Variants in DLGAP2 observed in about 807,000 individuals in gnomAD.
DLGAP2 encodes the protein DLG associated protein 2.
In DLGAP2, 26 loss-of-function variants were observed where a neutral mutation model predicts 100.3. The observed-to-expected ratio is 0.26, with a 90% CI of 0.19 to 0.36. The LOEUF is 0.36. Ranked by LOEUF, DLGAP2 falls within the 10% of genes least tolerant of loss-of-function variation. The pLI, the probability that DLGAP2 is intolerant of heterozygous loss-of-function variation, is 1.00. For missense variants in DLGAP2, 1,858 were observed against 1,453.2 expected (o/e 1.28, Z -4.53); for synonymous variants, 886 against 630.1 (o/e 1.41, Z -6.08).
chr8:1,129,073 G>A lies in DLGAP2; in HGVS notation c.74-129778G>A, dbSNP rs979194736. ...CAATTCCACTTCATGGTCCTCTGTC[G>A]CTTTTGTGTACAGACATGGACATTG... On this transcript the variant is annotated intron_variant, in intron 2 of 14. Transcript: ENST00000637795. Among the ~76,000 whole-genome samples the A allele has an allele frequency of 3.9e-5, 6 of 152,230 alleles. No individual in the cohort carries two copies. In the East Asian group the frequency reaches 5.8e-4, roughly 15 times the overall value.
At chr8:1,269,989 G>A (rs989341953) in intron 3 of DLGAP2, among the ~76,000 whole-genome samples, 6 of 152,250 alleles carry the variant, frequency 3.9e-5, no homozygotes, top group Admixed American at 1.3e-4. Context: ...TCTTGAAACC[G>A]GTATTTTCCT....
In DLGAP2 at chr8:1,087,884, C is replaced by G. The variant is rs138362708; in HGVS notation, c.74-170967C>G. Among the ~76,000 whole-genome samples the G allele has an allele frequency of 3.7e-3, 565 of 152,376 alleles. 5 individuals are homozygous for G. The highest frequency in any genetic ancestry group is 0.013 in the African/African-American group (539 of 41,584). ...AGCTCTGGATCCTTCTGCCTCCTCC[C>G]TGTCTCCACATCCATGTCACCAGGT... On this transcript the variant is annotated intron_variant, in intron 2 of 14. Transcript: ENST00000637795.
chr8:1,644,334 T>C (rs1797988552), intron 8 of DLGAP2, among the ~76,000 whole-genome samples: 1 of 152,168 alleles, frequency 6.6e-6, no homozygotes, highest in South Asian at 2.1e-4. Context: ...CCGTCCTCTG[T>C]GGGGTTGCAA....
intron 2 of DLGAP2, among the ~76,000 whole-genome samples, chr8:938,667 G>T (rs1305599390): frequency 6.6e-6 from 1 of 152,212 alleles, no homozygotes; most frequent in African/African-American, 2.4e-5. Flanking sequence ...GTGACCTGGG[G>T]GTGACCAGCC....
intron 2 of DLGAP2, among the ~76,000 whole-genome samples, chr8:1,025,431 A>C (rs1466508295): frequency 1.3e-5 from 2 of 152,206 alleles, no homozygotes; most frequent in African/African-American, 4.8e-5. Context: ...CTTTCCAGAG[A>C]AGCCCATTTT....
intron 1 of DLGAP2, among the ~76,000 whole-genome samples, chr8:832,259 T>A (rs993066536): frequency 1.3e-5 from 2 of 152,226 alleles, no homozygotes; most frequent in Non-Finnish European, 2.9e-5. Flanking sequence ...TGCCATTGCT[T>A]TTGGTGTTTT....
intron 1 of DLGAP2, among the ~76,000 whole-genome samples, chr8:874,615 G>T (rs1287672826): frequency 6.6e-6 from 1 of 152,116 alleles, no homozygotes; most frequent in Non-Finnish European, 1.5e-5. Context: ...TAATAGGTTT[G>T]TTTTATGGCT....
At chr8:1,179,110 C>A (rs376440919) in intron 2 of DLGAP2, among the ~76,000 whole-genome samples, 1 of 152,274 alleles carries the variant, frequency 6.6e-6, no homozygotes, top group East Asian at 1.9e-4. Flanking sequence ...TTTTCTACAC[C>A]TGTTTACGAT....
At chr8:809,471 T>TG (rs397743940) in intron 1 of DLGAP2, among the ~76,000 whole-genome samples, 4 of 150,350 alleles carry the variant, frequency 2.7e-5, no homozygotes, top group Admixed American at 2.6e-4. Flanking sequence ...TTTTTTTTTT[T>TG]GTGGCTAATT....
At chr8:1,000,636 T>C (rs1044459070) in intron 2 of DLGAP2, among the ~76,000 whole-genome samples, 1 of 152,248 alleles carries the variant, frequency 6.6e-6, no homozygotes, top group African/African-American at 2.4e-5. Context: ...AATTGCTCTG[T>C]TATTACTTTT....
chr8:1,051,691 T>A (rs181996929), intron 2 of DLGAP2, among the ~76,000 whole-genome samples: 1 of 152,106 alleles, frequency 6.6e-6, no homozygotes, highest in East Asian at 1.9e-4. Flanking sequence ...CAGTTTAGAC[T>A]CACGGAAGCT....
chr8:1,411,262 C>A (rs12678158), intron 3 of DLGAP2, among the ~76,000 whole-genome samples: 41,724 of 152,132 alleles, frequency 0.27, 5,940 homozygotes, highest in East Asian at 0.4. Context: ...ATGTGCAATG[C>A]ATAGCTACAT....
intron 2 of DLGAP2, among the ~76,000 whole-genome samples, chr8:1,087,649 C>G (rs745359900): frequency 4.6e-5 from 7 of 151,790 alleles, no homozygotes; most frequent in Non-Finnish European, 1.0e-4. Flanking sequence ...ATTGTCACAT[C>G]AACATCTTTG....
intron 3 of DLGAP2, among the ~76,000 whole-genome samples, chr8:1,436,178 G>A (rs2130029890): frequency 6.6e-6 from 1 of 152,308 alleles, no homozygotes; most frequent in East Asian, 1.9e-4. Flanking sequence ...TGAGGAACCA[G>A]GAAGCCAGTC....
At chr8:874,208 G>T (rs571291721) in intron 1 of DLGAP2, among the ~76,000 whole-genome samples, 2 of 151,408 alleles carry the variant, frequency 1.3e-5, no homozygotes, top group African/African-American at 4.9e-5. Context: ...ATTAGTTTCT[G>T]TTTTAATATT....
At chr8:1,209,024 A>G (rs953617570) in intron 2 of DLGAP2, among the ~76,000 whole-genome samples, 5 of 152,186 alleles carry the variant, frequency 3.3e-5, no homozygotes, top group Admixed American at 1.3e-4. Flanking sequence ...ATGGTAACAC[A>G]TCTCATGCTC....
At chr8:1,052,850 G>T (rs562907952) in intron 2 of DLGAP2, among the ~76,000 whole-genome samples, 1 of 152,246 alleles carries the variant, frequency 6.6e-6, no homozygotes, top group African/African-American at 2.4e-5. Context: ...CCTGTAAGGA[G>T]GATAGAACTG....
chr8:858,497 G>C (rs984553157), intron 1 of DLGAP2, among the ~76,000 whole-genome samples: 1 of 152,122 alleles, frequency 6.6e-6, no homozygotes, highest in African/African-American at 2.4e-5. Flanking sequence ...TGCTGTCATC[G>C]TGGGCACATG....
intron 8 of DLGAP2, among the ~76,000 whole-genome samples, chr8:1,640,630 A>C (rs1036066478): frequency 2.6e-5 from 4 of 152,118 alleles, no homozygotes; most frequent in African/African-American, 7.2e-5. Context: ...CAGGGTGTGC[A>C]TCATGAAGAC....
Sources: allele counts gnomAD v4.1 joint callset (sites outside exome capture counted in the v4.1 genomes callset), GRCh38; gene constraint gnomAD v4.1.1; transcripts MANE v1.5; gene names NCBI Gene and HGNC (gene_info 2026-07-23, HGNC 2026-07-21).